Variants in ZC3H18 observed in about 807,000 individuals in gnomAD.
ZC3H18 encodes the protein zinc finger CCCH domain-containing protein 18.
Under a neutral mutation model 106.1 loss-of-function variants are expected in ZC3H18, and 8 were observed. The ratio of observed to expected loss-of-function variants is 0.08; its 90% CI spans 0.04 to 0.14. The LOEUF is 0.14. Ranked by LOEUF, ZC3H18 falls within the 10% of genes least tolerant of loss-of-function variation. The pLI, the probability that ZC3H18 is intolerant of heterozygous loss-of-function variation, is 1.00. For missense variants in ZC3H18, 1,318 were observed against 1,278.4 expected (o/e 1.03, Z -0.47); for synonymous variants, 635 against 522.1 (o/e 1.22, Z -2.95).
At chr16:88,596,306 G>A (rs930269433) in intron 3 of ZC3H18, among the ~76,000 whole-genome samples, 4 of 152,052 alleles carry the variant, frequency 2.6e-5, no homozygotes, top group African/African-American at 9.7e-5. Context: ...AGAAAAGAAC[G>A]ATAACATTTA....
chr16:88,630,247 T>C (rs768209760), intron 16 of ZC3H18: 4 of 514,142 alleles, frequency 7.8e-6, no homozygotes, highest in Middle Eastern at 5.1e-4. Flanking sequence ...GCGTGAGATA[T>C]TGGCTGCTTG....
intron 3 of ZC3H18, among the ~76,000 whole-genome samples, chr16:88,592,035 C>A (rs551134094): frequency 6.6e-6 from 1 of 152,034 alleles, no homozygotes; most frequent in Non-Finnish European, 1.5e-5. Flanking sequence ...TTTGCGGAGC[C>A]GCTGGCAGTG....
intron 6 of ZC3H18, among the ~76,000 whole-genome samples, chr16:88,607,784 C>T (rs1471454191): frequency 2.0e-5 from 3 of 151,346 alleles, no homozygotes; most frequent in Non-Finnish European, 2.9e-5. Context: ...TCTCAGGCAT[C>T]TCCCCATTCA....
intron 6 of ZC3H18, among the ~76,000 whole-genome samples, chr16:88,603,046 G>C (rs966257254): frequency 6.6e-6 from 1 of 151,376 alleles, no homozygotes; most frequent in Non-Finnish European, 1.5e-5. Flanking sequence ...CTCACTGTAA[G>C]CTCCGCCTCC....
chr16:88,611,158 G>A, intron 7 of ZC3H18, 110 bp from the exon 8 acceptor site: 2 of 687,912 alleles, frequency 2.9e-6, no homozygotes, highest in Non-Finnish European at 5.3e-6. Flanking sequence ...TGGGGTACAG[G>A]TGTGATTCTG....
At chr16:88,571,680 A>G (rs1428017146) in intron 1 of ZC3H18, 4 of 985,268 alleles carry the variant, frequency 4.1e-6, no homozygotes, top group Admixed American at 6.1e-5. Context: ...CAGGTAAGTT[A>G]ACCTATGGCC....
Position 88,570,471 on chromosome 16 carries a change from C to T in ZC3H18, c.-110C>T, listed in dbSNP as rs1245406995. 6.6e-6 allele frequency: 1 copy of T among 152,032 alleles called. No homozygotes were observed. The highest frequency in any genetic ancestry group is 6.6e-5 in the Admixed American group (1 of 15,260). The allele number at this position is 152,032 out of a possible 1,614,324, so 9.4% of individuals were successfully genotyped here. ...TGTTCCGCCCGTGTCGAGCCTGGAG[C>T]CAGAACCTGTGAAGAGCGGAAGGGC... On this transcript the variant is annotated 5_prime_UTR_variant, in exon 1 of 18. Transcript: ENST00000301011.
chr16:88,631,740 C>T lies in ZC3H18; in HGVS notation c.*441C>T, dbSNP rs1188078463. On this transcript the variant is annotated 3_prime_UTR_variant, in exon 18 of 18. Coordinates refer to ENST00000301011, the MANE Select transcript of ZC3H18 (RefSeq NM_144604.4). ...GGCACATCCTTCTCCTCCCCCGCCCCTGATCACCCGCCCCCGGATCAGAAA... is the reference window on the plus strand; with the variant it reads ...GGCACATCCTTCTCCTCCCCCGCCCTTGATCACCCGCCCCCGGATCAGAAA... The T allele has an allele frequency of 5.0e-6, 2 of 396,998 alleles. No individual in the cohort carries two copies. Among genetic ancestry groups the T allele is most frequent in the South Asian group, 1.8e-5 (1 of 55,752 alleles). 24.6% of individuals were successfully genotyped at this position (396,998 alleles called of 1,614,324 possible). A position where few individuals can be genotyped will look rare whatever the true frequency, so the allele number is the denominator to read the frequency against.
At chr16:88,628,539 G>A in intron 15 of ZC3H18, 2 of 579,322 alleles carry the variant, frequency 3.5e-6, no homozygotes, top group East Asian at 2.9e-5. Context: ...AGGCCTGCAG[G>A]GTGCTTCCCC....
intron 1 of ZC3H18, among the ~76,000 whole-genome samples, chr16:88,573,589 A>G (rs766579919): frequency 6.6e-5 from 10 of 151,870 alleles, no homozygotes; most frequent in Non-Finnish European, 1.0e-4. Context: ...GACTACCTTT[A>G]ATAAAAAGAC....
intron 6 of ZC3H18, among the ~76,000 whole-genome samples, chr16:88,606,532 G>T (rs1267549628): frequency 2.6e-5 from 4 of 152,230 alleles, no homozygotes; most frequent in Non-Finnish European, 5.9e-5. Flanking sequence ...CACATTTTGG[G>T]AAAGGCTTTT....
At chr16:88,577,860 G>A (rs1233202885) in intron 2 of ZC3H18, 134 bp downstream of exon 2, 2 of 1,504,672 alleles carry the variant, frequency 1.3e-6, no homozygotes, top group East Asian at 2.3e-5. Flanking sequence ...AGAATGAGAG[G>A]CTTGTTTTGG....
chr16:88,574,634 C>G (rs901869617), intron 1 of ZC3H18, among the ~76,000 whole-genome samples: 1 of 148,608 alleles, frequency 6.7e-6, no homozygotes, highest in African/African-American at 2.5e-5. Flanking sequence ...TCCCAAGTAG[C>G]TGGGACGACA....
chr16:88,613,880 T>C lies in ZC3H18; in HGVS notation c.1475+2344T>C, dbSNP rs1905412292. ...TCTAAGAGTTTCATAGTTTTAGCTC[T>C]TACACATAGGTCTTTGATCCAGGCT... On this transcript the variant is annotated intron_variant, in intron 8 of 17. Coordinates refer to ENST00000301011, the MANE Select transcript of ZC3H18 (RefSeq NM_144604.4). Among the ~76,000 whole-genome samples the C allele has an allele frequency of 2.0e-5, 3 of 152,330 alleles. No homozygotes were observed. In the South Asian group the frequency reaches 6.2e-4, roughly 32 times the overall value.
At chr16:88,582,650 T>G (rs2142562672) in intron 2 of ZC3H18, among the ~76,000 whole-genome samples, 1 of 152,288 alleles carries the variant, frequency 6.6e-6, no homozygotes, top group East Asian at 1.9e-4. Flanking sequence ...AAGGGCCCCG[T>G]AGCATCAGTA....
At chr16:88,607,649 C>T (rs1254742246) in intron 6 of ZC3H18, among the ~76,000 whole-genome samples, 4 of 152,042 alleles carry the variant, frequency 2.6e-5, no homozygotes, top group Non-Finnish European at 4.4e-5. Flanking sequence ...TATTCACAGG[C>T]TTCATGTCAC....
chr16:88,575,125 G>A (rs1226388614), intron 1 of ZC3H18, among the ~76,000 whole-genome samples: 1 of 151,408 alleles, frequency 6.6e-6, no homozygotes, highest in East Asian at 1.9e-4. Context: ...CACCGTGCCC[G>A]GCCTCTAATG....
At chr16:88,602,452 C>G (rs1348210635) in intron 6 of ZC3H18, among the ~76,000 whole-genome samples, 1 of 152,190 alleles carries the variant, frequency 6.6e-6, no homozygotes, top group Non-Finnish European at 1.5e-5. Flanking sequence ...GTGCCTTAAC[C>G]TCAGCCACAT....
chr16:88,592,683 G>A (rs1220259713), intron 3 of ZC3H18, among the ~76,000 whole-genome samples: 1 of 152,080 alleles, frequency 6.6e-6, no homozygotes, highest in African/African-American at 2.4e-5. Flanking sequence ...GTTTCAGTTG[G>A]TCAGGCTGGT....
Sources: allele counts gnomAD v4.1 joint callset (sites outside exome capture counted in the v4.1 genomes callset), GRCh38; gene constraint gnomAD v4.1.1; transcripts MANE v1.5; gene names NCBI Gene and HGNC (gene_info 2026-07-23, HGNC 2026-07-21).